Variants in KLF17 observed in about 807,000 individuals in gnomAD.
The protein encoded by KLF17 is Krueppel-like factor 17.
In KLF17, 31 loss-of-function variants were observed where a neutral mutation model predicts 34.2. The observed-to-expected ratio is 0.91, with a 90% CI of 0.68 to 1.22. The LOEUF is 1.22. Ranked by LOEUF, KLF17 falls within the 50% of genes most tolerant of loss-of-function variation. The probability of loss-of-function intolerance (pLI) is 0.00; values close to 1 mark genes in which losing one functional copy is unlikely to be tolerated. For missense variants in KLF17, 478 were observed against 505.2 expected, an observed-to-expected ratio of 0.95 and a Z score of 0.52; for synonymous variants, 179 against 186.7, an observed-to-expected ratio of 0.96 and a Z score of 0.34.
the KLF17 span, among the ~76,000 whole-genome samples, chr1:44,077,074 G>A: frequency 3.3e-5 from 5 of 150,586 alleles, no homozygotes; most frequent in African/African-American, 1.2e-4. Context: ...AAAAGAAAAA[G>A]TGGCTCACTC....
the KLF17 span, among the ~76,000 whole-genome samples, chr1:44,095,210 C>CTTTTTTTTT: frequency 8.4e-6 from 1 of 119,332 alleles, no homozygotes. Context: ...CTATTTATAT[C>CTTTTTTTTT]TTTTTTTTTT....
the KLF17 span, chr1:44,103,762 C>G: frequency 8.8e-7 from 1 of 1,139,484 alleles, no homozygotes; most frequent in Non-Finnish European, 1.3e-6. Flanking sequence ...TCAGGCTGCT[C>G]GGCATCTGTG....
intron 1 of KLF17, among the ~76,000 whole-genome samples, chr1:44,127,704 C>CTTTCTTTCTTCTCT: frequency 9.5e-6 from 1 of 105,460 alleles, no homozygotes; most frequent in Non-Finnish European, 1.9e-5. Flanking sequence ...TTCTTTCTTT[C>CTTTCTTTCTTCTCT]TTTCTTTCTT....
At chr1:44,118,650 C>G (rs893140100), upstream of KLF17, among the ~76,000 whole-genome samples, 2 of 134,558 alleles carry the variant, frequency 1.5e-5, no homozygotes, top group African/African-American at 5.8e-5. Flanking sequence ...CTTTAAGAAG[C>G]GTTCAAGGCC....
the KLF17 span, among the ~76,000 whole-genome samples, chr1:44,050,429 A>C: frequency 1.3e-5 from 2 of 152,184 alleles, no homozygotes; most frequent in Non-Finnish European, 2.9e-5. Context: ...GCAGTGACCC[A>C]ACAACTGGGA....
chr1:44,081,726 A>G, the KLF17 span, among the ~76,000 whole-genome samples: 6 of 152,082 alleles, frequency 3.9e-5, no homozygotes, highest in East Asian at 9.7e-4. Context: ...TGGCCTCCCC[A>G]TGGTAGTCTT....
At chr1:44,084,446 G>A in the KLF17 span, among the ~76,000 whole-genome samples, 2 of 152,080 alleles carry the variant, frequency 1.3e-5, no homozygotes, top group Non-Finnish European at 2.9e-5. Context: ...GGGAAGCCAA[G>A]GTGGGAGGAT....
the KLF17 span, among the ~76,000 whole-genome samples, chr1:44,082,736 C>T: frequency 7.9e-5 from 12 of 152,220 alleles, no homozygotes; most frequent in Non-Finnish European, 1.3e-4. Context: ...TTTGATAATT[C>T]TGTTCTTTCT....
rs1483178790 is a variant in KLF17 at position 44,127,704 on chromosome 1, CTT to C, written c.82-1647_82-1646del. On this transcript the variant is annotated intron_variant, in intron 1 of 3. Transcript: ENST00000372299. ...TTTCTTTCTTTCTTTTTCTTTCTTT[CTT>C]TCTTTCTTCTCTTTTCTTTCTTTCT... is the stretch of plus-strand genomic sequence containing the variant. Among the ~76,000 whole-genome samples the C allele has an allele frequency of 7.9e-3, 835 of 105,404 alleles. 18 individuals carry two copies. Among genetic ancestry groups the C allele is most frequent in the African/African-American group, 0.032 (783 of 24,200 alleles). The allele number at this position is 105,404 out of a possible 152,430, so 69.1% of individuals were successfully genotyped here.
At chr1:44,047,258 A>G in the KLF17 span, among the ~76,000 whole-genome samples, 1 of 152,190 alleles carries the variant, frequency 6.6e-6, no homozygotes, top group Non-Finnish European at 1.5e-5. Context: ...TTTTCCTAAG[A>G]TGGAGCAATT....
At chr1:44,075,589 G>A in the KLF17 span, among the ~76,000 whole-genome samples, 8 of 152,100 alleles carry the variant, frequency 5.3e-5, no homozygotes, top group African/African-American at 9.7e-5. Context: ...CTTGAAGTCC[G>A]TCATTTTCTC....
the KLF17 span, among the ~76,000 whole-genome samples, chr1:44,098,480 T>A: frequency 1.3e-5 from 1 of 78,332 alleles, no homozygotes; most frequent in Non-Finnish European, 3.2e-5. Context: ...TTTATTATTA[T>A]TTTTTTTAAA....
At chr1:44,132,270 C>T (rs549806626) in intron 3 of KLF17, among the ~76,000 whole-genome samples, 76 of 152,138 alleles carry the variant, frequency 5.0e-4, no homozygotes, top group African/African-American at 1.8e-3. Context: ...TGTGCCATTG[C>T]ACTCCAGCCT....
chr1:44,108,869 G>T, the KLF17 span, among the ~76,000 whole-genome samples: 1 of 151,938 alleles, frequency 6.6e-6, no homozygotes, highest in East Asian at 1.9e-4. Flanking sequence ...GTTTCACAAT[G>T]TTAGCCAGGC....
chr1:44,100,257 CAAAA>C, the KLF17 span, among the ~76,000 whole-genome samples: 1 of 89,094 alleles, frequency 1.1e-5, no homozygotes, highest in Non-Finnish European at 2.3e-5. Flanking sequence ...GACTCCATCT[CAAAA>C]AAAAAAAAAA....
chr1:44,055,957 A>G, the KLF17 span, among the ~76,000 whole-genome samples: 2 of 152,182 alleles, frequency 1.3e-5, no homozygotes, highest in African/African-American at 2.4e-5. Flanking sequence ...ATATTTACCC[A>G]TGTCTCTGAA....
At chr1:44,108,813 A>G in the KLF17 span, among the ~76,000 whole-genome samples, 6,543 of 151,688 alleles carry the variant, frequency 0.043, 181 homozygotes, top group African/African-American at 0.078. Flanking sequence ...TTACAGGTGC[A>G]TACCACCATA....
chr1:44,071,852 C>G, the KLF17 span, among the ~76,000 whole-genome samples: 1 of 152,138 alleles, frequency 6.6e-6, no homozygotes, highest in South Asian at 2.1e-4. Flanking sequence ...GCATAGCTCT[C>G]CACACTCTTG....
the KLF17 span, among the ~76,000 whole-genome samples, chr1:44,047,233 G>C: frequency 6.6e-5 from 10 of 152,106 alleles, no homozygotes; most frequent in Non-Finnish European, 1.3e-4. Context: ...CTTTGCAAAG[G>C]GTTGCCCATT....
Sources: gnomAD v4.1 joint callset for allele counts (sites outside exome capture counted in the v4.1 genomes callset) on GRCh38, gnomAD v4.1.1 for gene constraint, MANE v1.5 for transcripts, NCBI Gene and HGNC (gene_info 2026-07-23, HGNC 2026-07-21) for gene names.